The following CNTRL variants were observed in gnomAD, a reference collection of about 807,000 sequenced individuals.
CNTRL encodes 110 kDa centrosomal protein.
In CNTRL, 233 loss-of-function variants were observed where a neutral mutation model predicts 303.7. The observed-to-expected ratio is 0.77, with a 90% CI of 0.69 to 0.86. The LOEUF is 0.86. CNTRL is among the 40% of genes least tolerant of loss of function. The probability of loss-of-function intolerance (pLI) is 0.00; values close to 1 mark genes in which losing one functional copy is unlikely to be tolerated. For missense variants in CNTRL, 2,524 were observed against 2,650.6 expected (o/e 0.95, Z 1.05); for synonymous variants, 900 against 922.2 (o/e 0.98, Z 0.44).
intron 7 of CNTRL, among the ~76,000 whole-genome samples, chr9:121,102,811 G>T (rs550355775): frequency 6.6e-6 from 1 of 152,212 alleles, no homozygotes; most frequent in South Asian, 2.1e-4. Context: ...GCTTCAAAGA[G>T]AATAAAATAC....
At chr9:121,090,681 T>C (rs1263572743) in intron 4 of CNTRL, among the ~76,000 whole-genome samples, 1 of 152,230 alleles carries the variant, frequency 6.6e-6, no homozygotes, top group East Asian at 1.9e-4. Flanking sequence ...AAAGTTTTAT[T>C]GGAACACAGT....
At chr9:121,101,348 C>T (rs2049157710) in intron 7 of CNTRL, among the ~76,000 whole-genome samples, 3 of 152,130 alleles carry the variant, frequency 2.0e-5, no homozygotes, top group Non-Finnish European at 4.4e-5. Flanking sequence ...TTCTTTGAAA[C>T]CAATGAGAAC....
rs563148240 is a variant in CNTRL, at chr9:121,089,293, A to G, written c.217+750A>G. On this transcript the variant is annotated intron_variant, in intron 3 of 43. Transcript: ENST00000373855. ...CAAGAACAAGCCAAGTTAAATTTAAATATCTTTTTATTTTGCACCAAAATA... is the reference window on the plus strand; with the variant it reads ...CAAGAACAAGCCAAGTTAAATTTAAGTATCTTTTTATTTTGCACCAAAATA... Among the ~76,000 whole-genome samples, 9 of 152,336 alleles carry G rather than the reference A, an allele frequency of 5.9e-5. No homozygotes were observed. In the South Asian group the frequency reaches 8.3e-4, roughly 14 times the overall value.
intron 4 of CNTRL, among the ~76,000 whole-genome samples, chr9:121,092,817 AT>A (rs71370628): frequency 0.88 from 22,426 of 25,346 alleles, 10,067 homozygotes; most frequent in South Asian, 0.92. Flanking sequence ...ATATATATAT[AT>A]TTTTTTTTTT....
At chr9:121,105,168 C>T (rs1282205931) in intron 7 of CNTRL, among the ~76,000 whole-genome samples, 1 of 152,180 alleles carries the variant, frequency 6.6e-6, no homozygotes, top group African/African-American at 2.4e-5. Context: ...TTCACAAGAT[C>T]TTGAAAGCTA....
At chr9:121,157,419 TGTGA>T (rs776567431) in intron 27 of CNTRL, 47 bp from the exon 28 acceptor site, 26 of 1,587,198 alleles carry the variant, frequency 1.6e-5, no homozygotes, top group Middle Eastern at 1.7e-4. Flanking sequence ...GGCCAGTAGC[TGTGA>T]GTGAGTATTG....
chr9:121,093,103 T>C (rs2048738836), intron 4 of CNTRL, among the ~76,000 whole-genome samples: 1 of 151,778 alleles, frequency 6.6e-6, no homozygotes, highest in Admixed American at 6.6e-5. Context: ...CACCGCGCCC[T>C]GCCATATATT....
chr9:121,108,784 A>G (rs1453383357), intron 8 of CNTRL, among the ~76,000 whole-genome samples: 1 of 152,176 alleles, frequency 6.6e-6, no homozygotes, highest in Non-Finnish European at 1.5e-5. Flanking sequence ...AATAAAAATA[A>G]AATAAAAACA....
intron 8 of CNTRL, among the ~76,000 whole-genome samples, chr9:121,111,505 T>C (rs576412145): frequency 5.3e-5 from 8 of 152,222 alleles, no homozygotes; most frequent in African/African-American, 1.9e-4. Context: ...AAAATGTTTG[T>C]GTTTGTTTAT....
chr9:121,106,864 C>A (rs1422959593), intron 7 of CNTRL, among the ~76,000 whole-genome samples: 1 of 152,048 alleles, frequency 6.6e-6, no homozygotes, highest in Admixed American at 6.6e-5. Context: ...AAAGGAAAGT[C>A]ATCTAGATAA....
Position 121,146,148 on chromosome 9 carries a change from T to C in CNTRL, c.3351T>C (p.Ala1117=), listed in dbSNP as rs146792239. 1.9e-6 allele frequency: 3 copies of C among 1,612,314 alleles called. No homozygotes were observed. The highest frequency in any genetic ancestry group is 2.5e-6 in the Non-Finnish European group (3 of 1,179,554). The change falls in exon 23 of 44, where the codon GCT becomes GCC. Residue 1117 remains alanine, a synonymous_variant. Coordinates refer to ENST00000373855, the MANE Select transcript of CNTRL (RefSeq NM_007018.6). ...GGFENVLEEI[A]ELRREVSYQN... is the part of the protein sequence containing the mutation. ...TTGAAAATGTTTTAGAAGAAATTGC[T>C]GAACTTCGACGTGAAGTTTCTTATC...
chr9:121,156,209 G>A (rs911589296), intron 27 of CNTRL, among the ~76,000 whole-genome samples: 1 of 151,682 alleles, frequency 6.6e-6, no homozygotes, highest in Non-Finnish European at 1.5e-5. Context: ...ATATATATAG[G>A]TATAGATATA....
intron 16 of CNTRL, 85 bp downstream of exon 16, chr9:121,138,764 T>G: frequency 1.4e-6 from 2 of 1,405,078 alleles, no homozygotes; most frequent in Non-Finnish European, 2.0e-6. Flanking sequence ...AGCAACCTGC[T>G]CTAACATGTA....
At position 121,148,808 on chromosome 9, in the gene CNTRL, A is replaced by G; in HGVS notation, c.3596A>G (p.Tyr1199Cys). ...AGTCAACCTCCCCCTGCCTCAGGAT[A>G]CTGGGTTTATTCTCCCATCAGGAGT... ...EGSQPPPASG[Y>C]WVYSPIRSGL... Residue 1199 changes from tyrosine to cysteine, a missense_variant, in exon 24 of 44, where the codon TAC (tyrosine) becomes TGC (cysteine). Tyr to Cys is a radical substitution (Grantham distance 194). Transcript: ENST00000373855. The G allele has an allele frequency of 6.2e-7, 1 of 1,614,004 alleles. No individual in the cohort carries two copies. The highest frequency in any genetic ancestry group is 8.5e-7 in the Non-Finnish European group (1 of 1,180,010).
intron 24 of CNTRL, among the ~76,000 whole-genome samples, chr9:121,149,412 T>A (rs2134186948): frequency 6.6e-6 from 1 of 152,186 alleles, no homozygotes; most frequent in Non-Finnish European, 1.5e-5. Flanking sequence ...TTTTTTGTTT[T>A]TTTTTTTGAG....
chr9:121,175,318 G>C (rs2053477366), intron 43 of CNTRL, 94 bp downstream of exon 43: 1 of 1,125,230 alleles, frequency 8.9e-7, no homozygotes, highest in African/African-American at 1.5e-5. Context: ...CCAGGCTGGA[G>C]TGCATTGGTA....
chr9:121,095,214 A>G (rs965892062), intron 5 of CNTRL, among the ~76,000 whole-genome samples, 196 bp downstream of exon 5: 9 of 152,188 alleles, frequency 5.9e-5, no homozygotes, highest in Admixed American at 5.2e-4. Context: ...TTACTGAAGT[A>G]CAGAATAACA....
At chr9:121,128,982 T>A (rs1207284760) in intron 14 of CNTRL, among the ~76,000 whole-genome samples, 1 of 152,238 alleles carries the variant, frequency 6.6e-6, no homozygotes, top group Non-Finnish European at 1.5e-5. Flanking sequence ...CAGTCTCTGT[T>A]CTGTTCCATT....
intron 40 of CNTRL, among the ~76,000 whole-genome samples, chr9:121,172,996 C>T (rs2053374376): frequency 6.6e-6 from 1 of 152,174 alleles, no homozygotes; most frequent in Non-Finnish European, 1.5e-5. Context: ...TAGAGTAATT[C>T]ACCTTCAAGG....
Sources: gnomAD v4.1 joint callset for allele counts (sites outside exome capture counted in the v4.1 genomes callset) on GRCh38, gnomAD v4.1.1 for gene constraint, MANE v1.5 for transcripts, NCBI Gene and HGNC (gene_info 2026-07-23, HGNC 2026-07-21) for gene names.